The following BLM variants were observed in gnomAD, a reference collection of about 807,000 sequenced individuals.
BLM encodes the protein BLM RecQ like helicase.
Under a neutral mutation model 135.3 loss-of-function variants are expected in BLM, and 95 were observed. That is an observed-to-expected ratio of 0.70 (90% CI 0.59 to 0.83). The LOEUF (loss-of-function observed/expected upper bound fraction) is 0.83, where lower values mean the gene tolerates loss of function less well. Ranked by LOEUF, BLM falls within the 40% of genes least tolerant of loss-of-function variation. The pLI, the probability that BLM is intolerant of heterozygous loss-of-function variation, is 0.00. For missense variants in BLM, 1,518 were observed against 1,663.9 expected (o/e 0.91, Z 1.53); for synonymous variants, 520 against 589.2 (o/e 0.88, Z 1.70).
chr15:90,738,736 G>C (rs1895287224), intron 1 of BLM, among the ~76,000 whole-genome samples: 1 of 152,108 alleles, frequency 6.6e-6, no homozygotes, highest in Non-Finnish European at 1.5e-5. Flanking sequence ...ATTAGAGAAA[G>C]GCAAATCAAA....
rs766959096 is a variant in BLM, at chr15:90,798,250, C to A, written c.3271C>A (p.His1091Asn). 6.2e-7 allele frequency: 1 copy of A among 1,611,402 alleles called. No homozygotes were observed. The change falls in exon 17 of 22, where the codon CAT becomes AAT. Residue 1091 changes from histidine (H) to asparagine (N), a missense_variant. By Grantham distance (68) the His-to-Asn change is moderately conservative. Coordinates refer to ENST00000355112, the MANE Select transcript of BLM (RefSeq NM_000057.4). ...AAGTATTGTAAGATTTGTTCAAGAACATAGTTCATCACAAGGAATGAGAAA... is the reference window on the plus strand; with the variant it reads ...AAGTATTGTAAGATTTGTTCAAGAAAATAGTTCATCACAAGGAATGAGAAA... ...VKSIVRFVQE[H>N]SSSQGMRNIK...
rs532059280 is a variant in BLM at position 90,760,039 on chromosome 15, C to T, written c.1088-108C>T. ...TCCTGGACTTAAGCAATCCTCCTGC[C>T]TTGGCCTCCCCAAAGGGCTGGGATT... On this transcript the variant is annotated intron_variant, in intron 5 of 21. Transcript: ENST00000355112. 6.0e-3 allele frequency: 6,494 copies of T among 1,090,384 alleles called. 29 individuals are homozygous for T. The highest frequency in any genetic ancestry group is 0.01 in the Middle Eastern group (38 of 3,628). The allele number at this position is 1,090,384 out of a possible 1,614,324, so 67.5% of individuals were successfully genotyped here.
chr15:90,786,127 C>T lies in BLM; in HGVS notation c.2823+1046C>T, dbSNP rs554771321. ...CCTCCCACTTCCCAAGTAGCTAGGA[C>T]GACAGGCGCACCACTATGCCTGGCT... On this transcript the variant is annotated intron_variant, in intron 14 of 21. Transcript: ENST00000355112. Among the ~76,000 whole-genome samples the T allele has an allele frequency of 1.5e-4, 23 of 150,904 alleles. 1 individual carries two copies. Among genetic ancestry groups the T allele is most frequent in the Admixed American group, 1.3e-3 (20 of 15,048 alleles).
At chr15:90,771,963 AT>A (rs1218755559) in intron 12 of BLM, among the ~76,000 whole-genome samples, 1 of 152,134 alleles carries the variant, frequency 6.6e-6, no homozygotes, top group African/African-American at 2.4e-5. Flanking sequence ...AAGGTTGTGG[AT>A]TTCCAGTCTC....
chr15:90,741,649 C>G (rs1895367230), intron 1 of BLM, among the ~76,000 whole-genome samples: 1 of 152,096 alleles, frequency 6.6e-6, no homozygotes, highest in African/African-American at 2.4e-5. Flanking sequence ...ACATTTATAG[C>G]TATATTTATC....
Position 90,763,100 on chromosome 15 carries a change from C to G in BLM, c.2017C>G (p.Leu673Val). The G allele has an allele frequency of 6.2e-7, 1 of 1,614,108 alleles. No homozygotes were observed. The highest frequency in any genetic ancestry group is 8.5e-7 in the Non-Finnish European group (1 of 1,179,998). Residue 673 changes from leucine (L) to valine (V), a missense_variant, in exon 8 of 22, where the codon CTA becomes GTA. By Grantham distance (32) the Leu-to-Val change is conservative. Transcript: ENST00000355112. Reference protein sequence around the residue: ...FGLHNFRTNQLEAINAALLGE... With the variant: ...FGLHNFRTNQVEAINAALLGE... ...CCTGCATAATTTTAGAACTAATCAG[C>G]TAGAGGCGATCAATGCTGCACTGCT...
chr15:90,750,107 A>G, intron 3 of BLM, 40 bp downstream of exon 3: 1 of 1,596,614 alleles, frequency 6.3e-7, no homozygotes, highest in Non-Finnish European at 8.6e-7. Context: ...TGTTCATTGT[A>G]CTTTTTTATT....
At chr15:90,768,972 C>T (rs1439089092) in intron 10 of BLM, among the ~76,000 whole-genome samples, 161 bp from the exon 11 acceptor site, 3 of 152,202 alleles carry the variant, frequency 2.0e-5, no homozygotes, top group Admixed American at 6.5e-5. Context: ...ATGATCCACC[C>T]ACCTCGGCTT....
chr15:90,767,092 A>C, intron 10 of BLM, 69 bp downstream of exon 10: 1 of 1,096,150 alleles, frequency 9.1e-7, no homozygotes, highest in Non-Finnish European at 1.3e-6. Flanking sequence ...TTAAGATTTT[A>C]ACAAAATTTT....
At position 90,761,115 on chromosome 15, in the gene BLM, C is replaced by G; in HGVS notation, c.1742C>G (p.Thr581Arg). The stretch of plus-strand genomic sequence containing the variant: ...AATTTAGCAGCCAGCAAATCTTCCA[C>G]AGCTGCCTATCAACCCATCAAGGAA... ...MHNLAASKSS[T>R]AAYQPIKEGR... The change falls in exon 7 of 22, where the codon ACA becomes AGA. Residue 581 changes from threonine (T) to arginine (R), a missense_variant. Transcript: ENST00000355112. 3 of 1,544,000 alleles carry G rather than the reference C, an allele frequency of 1.9e-6. No individual in the cohort carries two copies. The highest frequency in any genetic ancestry group is 2.6e-6 in the Non-Finnish European group (3 of 1,150,778).
chr15:90,726,652 C>T (rs1184241487), intron 1 of BLM, among the ~76,000 whole-genome samples: 2 of 152,134 alleles, frequency 1.3e-5, no homozygotes, highest in African/African-American at 2.4e-5. Flanking sequence ...ATGAGAGCAA[C>T]GATTTTTAGG....
chr15:90,730,806 G>A (rs2057059641), intron 1 of BLM, among the ~76,000 whole-genome samples: 1 of 152,092 alleles, frequency 6.6e-6, no homozygotes, highest in Non-Finnish European at 1.5e-5. Context: ...TTTATCATAT[G>A]CTTATTCTAG....
intron 9 of BLM, 95 bp downstream of exon 9, chr15:90,765,509 A>C: frequency 9.6e-7 from 1 of 1,036,840 alleles, no homozygotes. Context: ...GTGATTTGTA[A>C]AAAATAAAGC....
chr15:90,728,842 T>C (rs1395436608), intron 1 of BLM, among the ~76,000 whole-genome samples: 2 of 152,186 alleles, frequency 1.3e-5, no homozygotes, highest in Non-Finnish European at 2.9e-5. Flanking sequence ...CTGTCTTAGT[T>C]TTCTATAGCT....
Position 90,761,016 on chromosome 15 carries a change from A to C in BLM, c.1643A>C (p.Gln548Pro). Residue 548 changes from glutamine (Q) to proline (P), a missense_variant, in exon 7 of 22, where the codon CAA becomes CCA. Around this residue, in one of 5 missense-constraint regions of BLM, gnomAD observed 724 missense variants for 756.9 expected, o/e 0.96. Transcript: ENST00000355112. ...ATAAATGACTTAGAAAGAGAAACCC[A>C]ACCTTCCTATGATATTGATAATTTT... ...ASINDLERET[Q>P]PSYDIDNFDI... 1.2e-6 allele frequency: 2 copies of C among 1,606,278 alleles called. No individual in the cohort carries two copies. Among genetic ancestry groups the C allele is most frequent in the Non-Finnish European group, 1.7e-6 (2 of 1,176,980 alleles).
rs192491153 is a variant in BLM at position 90,760,892 on chromosome 15, G to A, written c.1519G>A (p.Glu507Lys). ...QKSFVSSNWAETPRLGKKNES... is the reference protein window; with the variant it reads ...QKSFVSSNWAKTPRLGKKNES... Reference sequence around the variant, plus strand: ...GTCCTTTGTAAGTAGCAACTGGGCTGAAACACCAAGACTAGGAAAAAAAAA... The same window carrying A: ...GTCCTTTGTAAGTAGCAACTGGGCTAAAACACCAAGACTAGGAAAAAAAAA... The change falls in exon 7 of 22, where the codon GAA becomes AAA. Residue 507 changes from glutamate to lysine, a missense_variant. Coordinates refer to ENST00000355112, the MANE Select transcript of BLM (RefSeq NM_000057.4). The A allele has an allele frequency of 2.2e-5, 35 of 1,613,888 alleles. No homozygotes were observed. In the Admixed American group the frequency reaches 4.0e-4, roughly 18 times the overall value.
chr15:90,759,937 A>C, intron 5 of BLM: 1 of 383,766 alleles, frequency 2.6e-6, no homozygotes, highest in Non-Finnish European at 4.8e-6. Context: ...AAAAAGAAAA[A>C]GAAATCAAGA....
chr15:90,727,202 C>T (rs1474828779), intron 1 of BLM, among the ~76,000 whole-genome samples: 2 of 151,908 alleles, frequency 1.3e-5, no homozygotes, highest in Non-Finnish European at 2.9e-5. Context: ...TTTGTAGAGA[C>T]GGAGTCTTGC....
At chr15:90,797,524 T>C (rs930705782) in intron 16 of BLM, among the ~76,000 whole-genome samples, 3 of 151,258 alleles carry the variant, frequency 2.0e-5, no homozygotes, top group Admixed American at 1.3e-4. Flanking sequence ...CAGTTGTTAG[T>C]GTAAGACCAG....
Sources: allele counts gnomAD v4.1 joint callset (sites outside exome capture counted in the v4.1 genomes callset), GRCh38; gene constraint gnomAD v4.1.1; regional missense constraint gnomAD v4.1.1; transcripts MANE v1.5; gene names NCBI Gene and HGNC (gene_info 2026-07-23, HGNC 2026-07-21).